NRXN1: variants seen among roughly 807,000 people sequenced by gnomAD.
NRXN1 encodes neurexin-1.
Under a neutral mutation model 150.9 loss-of-function variants are expected in NRXN1, and 39 were observed. That is an observed-to-expected ratio of 0.26 (90% CI 0.20 to 0.34). The LOEUF is 0.34. Among genes scored for constraint, NRXN1 ranks in the 10% least tolerant of loss-of-function variants. The probability of loss-of-function intolerance (pLI) is 1.00; values close to 1 mark genes in which losing one functional copy is unlikely to be tolerated. For synonymous variants in NRXN1, 924 were observed against 757.0 expected (o/e 1.22, Z -3.62); for missense variants, 1,815 against 1,949.9 (o/e 0.93, Z 1.30).
chr2:50,531,754 C>A (rs1338051389), intron 10 of NRXN1, among the ~76,000 whole-genome samples: 2 of 152,060 alleles, frequency 1.3e-5, no homozygotes, highest in African/African-American at 4.8e-5. Context: ...TTCTCAAGAG[C>A]AAAGATCACG....
intron 2 of NRXN1, 78 bp from the exon 3 acceptor site, chr2:50,926,033 A>C: frequency 8.7e-7 from 1 of 1,151,320 alleles, no homozygotes. Context: ...TTGCCTTTGC[A>C]TGTCTTCCTC....
chr2:50,278,289 C>A (rs373696226), intron 17 of NRXN1, among the ~76,000 whole-genome samples: 1 of 114,644 alleles, frequency 8.7e-6, no homozygotes. Context: ...ATATATAATA[C>A]ATATATAATA....
chr2:50,560,432 A>G (rs866283889), intron 8 of NRXN1, among the ~76,000 whole-genome samples: 1 of 148,082 alleles, frequency 6.8e-6, no homozygotes, highest in South Asian at 2.1e-4. Context: ...ATGTTTATTT[A>G]TTTATTTATT....
rs534110679 is a variant in NRXN1 at position 50,720,741 on chromosome 2, A to G, written c.833-97126T>C. Reference sequence around the variant, plus strand: ...AGATTCTCTGTTCCTGTTATCAAGTATTTTAATACAAGATAACAATTACAG... The same window carrying G: ...AGATTCTCTGTTCCTGTTATCAAGTGTTTTAATACAAGATAACAATTACAG... On this transcript the variant is annotated intron_variant, in intron 5 of 22. Coordinates refer to ENST00000401669, the MANE Select transcript of NRXN1 (RefSeq NM_001330078.2). Among the ~76,000 whole-genome samples, 80 of 152,326 alleles carry G rather than the reference A, an allele frequency of 5.3e-4. 2 individuals carry two copies. The South Asian group carries it at 0.016, about 31-fold the overall frequency.
At chr2:50,323,185 A>C (rs1041129466) in intron 17 of NRXN1, among the ~76,000 whole-genome samples, 1 of 152,182 alleles carries the variant, frequency 6.6e-6, no homozygotes, top group South Asian at 2.1e-4. Context: ...ATACATTATA[A>C]TAGTAGCTCT....
intron 2 of NRXN1, chr2:51,026,393 A>T (rs1426497209): frequency 2.5e-6 from 4 of 1,598,070 alleles, no homozygotes; most frequent in Non-Finnish European, 3.4e-6. Context: ...GCTTTGCTGT[A>T]TTTATACAAC....
intron 5 of NRXN1, among the ~76,000 whole-genome samples, chr2:50,814,350 G>C (rs1332621966): frequency 6.6e-6 from 1 of 152,008 alleles, no homozygotes; most frequent in Non-Finnish European, 1.5e-5. Flanking sequence ...CACAACTAAG[G>C]TTGAAAAATA....
chr2:50,320,572 GA>G (rs1217627190), intron 17 of NRXN1, among the ~76,000 whole-genome samples: 1 of 151,788 alleles, frequency 6.6e-6, no homozygotes, highest in Non-Finnish European at 1.5e-5. Context: ...ATGTGAGCAG[GA>G]GTCATAAAGG....
chr2:49,925,281 C>CAAAAAAAA (rs772838099), intron 22 of NRXN1, among the ~76,000 whole-genome samples: 3 of 80,924 alleles, frequency 3.7e-5, no homozygotes, highest in African/African-American at 4.4e-5. Flanking sequence ...CTGCCTCAAC[C>CAAAAAAAA]AAAAAAAAAA....
intron 17 of NRXN1, among the ~76,000 whole-genome samples, chr2:50,299,284 A>G (rs1380757173): frequency 6.6e-6 from 1 of 152,158 alleles, no homozygotes; most frequent in Non-Finnish European, 1.5e-5. Context: ...ATTGGCTCTA[A>G]TGATAATGCT....
chr2:50,637,023 T>C (rs780023304), intron 5 of NRXN1, among the ~76,000 whole-genome samples: 1 of 152,148 alleles, frequency 6.6e-6, no homozygotes, highest in Non-Finnish European at 1.5e-5. Flanking sequence ...GCTCCATGGA[T>C]AGAGCCCATA....
At chr2:50,299,387 T>C (rs927225864) in intron 17 of NRXN1, among the ~76,000 whole-genome samples, 2 of 151,554 alleles carry the variant, frequency 1.3e-5, no homozygotes, top group African/African-American at 4.8e-5. Context: ...CTAAAGATAG[T>C]GCTATATCCT....
intron 21 of NRXN1, among the ~76,000 whole-genome samples, chr2:50,015,406 C>T (rs1366598099): frequency 1.3e-5 from 2 of 149,858 alleles, no homozygotes; most frequent in Non-Finnish European, 3.0e-5. Flanking sequence ...TCACTCTAGG[C>T]ACACAGGAGA....
In NRXN1 at chr2:50,591,406, A is replaced by AGATAGATAGAT. The variant is rs1206048891; in HGVS notation, c.1320+28605_1320+28615dup. ...CAGATAGATAGATAGATAGATAGATAGATAGATAGATAGATAGATAGATAG... is the reference window on the plus strand; with the variant it reads ...CAGATAGATAGATAGATAGATAGATAGATAGATAGATGATAGATAGATAGATAGATAGATAG... On this transcript the variant is annotated intron_variant, in intron 8 of 22. Transcript: ENST00000401669. Among the ~76,000 whole-genome samples the AGATAGATAGAT allele has an allele frequency of 2.7e-4, 36 of 135,628 alleles. 1 individual carries two copies. In the East Asian group the frequency reaches 6.6e-3, roughly 25 times the overall value. 89.0% of individuals were successfully genotyped at this position (135,628 alleles called of 152,430 possible). A position where few individuals can be genotyped will look rare whatever the true frequency, so the allele number is the denominator to read the frequency against.
At chr2:50,296,085 C>G (rs553582982) in intron 17 of NRXN1, among the ~76,000 whole-genome samples, 285 of 152,286 alleles carry the variant, frequency 1.9e-3, no homozygotes, top group African/African-American at 6.5e-3. Context: ...CATTTCTAGG[C>G]AGACAATGTT....
At chr2:50,978,211 A>G (rs1050340934) in intron 2 of NRXN1, among the ~76,000 whole-genome samples, 1 of 145,870 alleles carries the variant, frequency 6.9e-6, no homozygotes, top group Non-Finnish European at 1.5e-5. Context: ...GGAAAATGCC[A>G]TTAAAACTTA....
chr2:50,701,298 T>TAA, intron 5 of NRXN1, among the ~76,000 whole-genome samples: 1 of 152,102 alleles, frequency 6.6e-6, no homozygotes, highest in African/African-American at 2.4e-5. Flanking sequence ...ACTATTGTCA[T>TAA]TATTATTATT....
At chr2:50,282,317 G>C (rs1367698099) in intron 17 of NRXN1, among the ~76,000 whole-genome samples, 6 of 152,136 alleles carry the variant, frequency 3.9e-5, no homozygotes, top group African/African-American at 1.2e-4. Context: ...CACTCAGTCA[G>C]CAATGTAGAG....
chr2:50,207,465 T>C (rs947075901), intron 18 of NRXN1: 8 of 152,210 alleles, frequency 5.3e-5, no homozygotes, highest in East Asian at 1.9e-4. Context: ...ATATATACAA[T>C]TAAGAAATAT....
Sources: allele counts gnomAD v4.1 joint callset (sites outside exome capture counted in the v4.1 genomes callset), GRCh38; gene constraint gnomAD v4.1.1; transcripts MANE v1.5; gene names NCBI Gene and HGNC (gene_info 2026-07-23, HGNC 2026-07-21).